The following CLDN10 variants were observed in gnomAD, a reference collection of about 807,000 sequenced individuals.
CLDN10 encodes claudin-10.
In CLDN10, 15 loss-of-function variants were observed where a neutral mutation model predicts 22.9. The observed-to-expected ratio is 0.65, with a 90% confidence interval of 0.44 to 1.01. The LOEUF (loss-of-function observed/expected upper bound fraction) is 1.01. CLDN10 is among the 50% of genes least tolerant of loss of function. The pLI, the probability that CLDN10 is intolerant of heterozygous loss-of-function variation, is 0.00. For missense variants in CLDN10, 247 were observed against 287.8 expected (o/e 0.86, Z 1.03); for synonymous variants, 114 against 111.4 (o/e 1.02, Z -0.15).
intron 1 of CLDN10, among the ~76,000 whole-genome samples, chr13:95,508,898 G>T (rs1222486805): frequency 6.6e-6 from 1 of 152,224 alleles, no homozygotes; most frequent in African/African-American, 2.4e-5. Context: ...ATAAGGCCTT[G>T]TGGGTTGACA....
chr13:95,563,132 C>G (rs866043930), intron 3 of CLDN10, among the ~76,000 whole-genome samples: 9 of 142,268 alleles, frequency 6.3e-5, no homozygotes, highest in East Asian at 4.2e-4. Context: ...CTCTCTCTCT[C>G]TCTGTCTGTA....
chr13:95,552,726 G>GA lies in CLDN10; in HGVS notation c.-27dup, dbSNP rs749093625. ...GGGTCGCGGCGCAGAGTGGGAGCCG[G>GA]AGAGCGAGCGCGGCTGCAGCCGGCG... On this transcript the variant is annotated 5_prime_UTR_variant, in exon 1 of 5. Transcript: ENST00000299339. 125 of 1,596,002 alleles carry GA rather than the reference G, an allele frequency of 7.8e-5. No homozygotes were observed. The African/African-American group carries it at 1.6e-3, about 20-fold the overall frequency.
intron 1 of CLDN10, among the ~76,000 whole-genome samples, chr13:95,446,145 C>T (rs573459916): frequency 5.3e-5 from 8 of 152,232 alleles, no homozygotes; most frequent in African/African-American, 1.7e-4. Flanking sequence ...AGAGTTGCTC[C>T]GCAATGGGAC....
At chr13:95,505,605 T>A (rs1417152933) in intron 1 of CLDN10, among the ~76,000 whole-genome samples, 1 of 152,154 alleles carries the variant, frequency 6.6e-6, no homozygotes, top group East Asian at 1.9e-4. Flanking sequence ...AAAGCTCTCA[T>A]CTCTGTCGAA....
intron 1 of CLDN10, among the ~76,000 whole-genome samples, chr13:95,488,582 C>T (rs1211234671): frequency 6.6e-6 from 1 of 152,136 alleles, no homozygotes; most frequent in Non-Finnish European, 1.5e-5. Context: ...ATCCTCATAG[C>T]TTAGCTCCCA....
intron 1 of CLDN10, 55 bp downstream of exon 1, chr13:95,553,028 CT>C: frequency 1.3e-6 from 2 of 1,594,542 alleles, no homozygotes; most frequent in Non-Finnish European, 1.7e-6. Flanking sequence ...GGCCAGCCCG[CT>C]AGGCGCCCTC....
chr13:95,548,983 T>C (rs1248856512), upstream of CLDN10, among the ~76,000 whole-genome samples: 1 of 152,222 alleles, frequency 6.6e-6, no homozygotes, highest in East Asian at 1.9e-4. Flanking sequence ...TCACTCCTAT[T>C]GAACAACCCC....
intron 3 of CLDN10, among the ~76,000 whole-genome samples, chr13:95,570,309 C>T (rs1000668523): frequency 2.0e-5 from 3 of 152,160 alleles, no homozygotes; most frequent in Admixed American, 1.3e-4. Flanking sequence ...CAAGCAAACC[C>T]CCCAATTATC....
At chr13:95,475,946 C>T (rs2139108370) in intron 1 of CLDN10, among the ~76,000 whole-genome samples, 1 of 152,064 alleles carries the variant, frequency 6.6e-6, no homozygotes, top group African/African-American at 2.4e-5. Flanking sequence ...ATTGATGCTG[C>T]CCCTGAGCGT....
intron 1 of CLDN10, among the ~76,000 whole-genome samples, chr13:95,476,801 C>T (rs532232017): frequency 1.3e-5 from 2 of 152,218 alleles, no homozygotes; most frequent in East Asian, 1.9e-4. Context: ...CACTGAGTCT[C>T]GGGGGCACCT....
intron 1 of CLDN10, among the ~76,000 whole-genome samples, chr13:95,483,052 G>A (rs1160439012): frequency 1.3e-5 from 2 of 152,222 alleles, no homozygotes; most frequent in African/African-American, 2.4e-5. Context: ...TCTTACTGGT[G>A]AGAAATGATT....
Position 95,577,283 on chromosome 13 carries a change from A to T in CLDN10, c.517A>T (p.Ile173Leu). Residue 173 changes from isoleucine (I) to leucine (L), a missense_variant, in exon 4 of 5, where the codon ATA becomes TTA. Coordinates refer to ENST00000299339, the MANE Select transcript of CLDN10 (RefSeq NM_006984.5). ...TGGATGGGCAGGAGCCTCACTGTGCATAATTGGTGGTGTCATATTTTGCTT... is the reference window on the plus strand; with the variant it reads ...TGGATGGGCAGGAGCCTCACTGTGCTTAATTGGTGGTGTCATATTTTGCTT... ...FIGWAGASLC[I>L]IGGVIFCFSI... is the part of the protein sequence containing the mutation. 6.2e-7 allele frequency: 1 copy of T among 1,614,222 alleles called. No individual in the cohort carries two copies. Among genetic ancestry groups the T allele is most frequent in the Non-Finnish European group, 8.5e-7 (1 of 1,180,032 alleles).
At chr13:95,514,025 AG>A (rs2043135003) in intron 1 of CLDN10, among the ~76,000 whole-genome samples, 1 of 152,170 alleles carries the variant, frequency 6.6e-6, no homozygotes, top group Non-Finnish European at 1.5e-5. Context: ...TAGGAGGCCA[AG>A]ACGGGAGGAT....
intron 1 of CLDN10, chr13:95,528,686 G>C (rs1204474191): frequency 6.6e-6 from 1 of 152,204 alleles, no homozygotes; most frequent in Non-Finnish European, 1.5e-5. Flanking sequence ...TAGCCATATT[G>C]AGTAAAGCTA....
intron 1 of CLDN10, among the ~76,000 whole-genome samples, chr13:95,463,447 C>T (rs1238904492): frequency 6.8e-6 from 1 of 147,170 alleles, no homozygotes; most frequent in African/African-American, 2.5e-5. Flanking sequence ...ATCCTCCCAC[C>T]TGAGCCTTTT....
chr13:95,538,388 T>C (rs2138619270), intron 1 of CLDN10, among the ~76,000 whole-genome samples: 1 of 152,156 alleles, frequency 6.6e-6, no homozygotes, highest in South Asian at 2.1e-4. Context: ...TCCACCCACC[T>C]TGGACTCCCA....
intron 1 of CLDN10, among the ~76,000 whole-genome samples, chr13:95,501,828 G>A (rs2042988751): frequency 1.3e-5 from 2 of 152,120 alleles, no homozygotes; most frequent in Non-Finnish European, 2.9e-5. Flanking sequence ...ACATCCTGCT[G>A]GTGGGGGGTT....
At chr13:95,436,603 A>G (rs1314829980) in intron 1 of CLDN10, among the ~76,000 whole-genome samples, 1 of 152,204 alleles carries the variant, frequency 6.6e-6, no homozygotes, top group African/African-American at 2.4e-5. Context: ...ATGCTTCCCT[A>G]AGAACAAGTA....
chr13:95,442,671 G>A (rs116606013), intron 1 of CLDN10, among the ~76,000 whole-genome samples: 1,579 of 152,300 alleles, frequency 0.01, 30 homozygotes, highest in African/African-American at 0.036. Context: ...GCCAAAAAGA[G>A]CAAATGTTTA....
Sources: gnomAD v4.1 joint callset for allele counts (sites outside exome capture counted in the v4.1 genomes callset) on GRCh38, gnomAD v4.1.1 for gene constraint, MANE v1.5 for transcripts, NCBI Gene and HGNC (gene_info 2026-07-23, HGNC 2026-07-21) for gene names.